CRACD: variants seen among roughly 807,000 people sequenced by gnomAD.
CRACD encodes capping protein-inhibiting regulator of actin dynamics.
In CRACD, 56 loss-of-function variants were observed where a neutral mutation model predicts 106.8. That is an observed-to-expected ratio of 0.52 (90% CI 0.42 to 0.66). The LOEUF is 0.66. Ranked by LOEUF, CRACD falls within the 30% of genes least tolerant of loss-of-function variation. The pLI is 0.00. For missense variants in CRACD, 1,730 were observed against 1,623.2 expected, an observed-to-expected ratio of 1.07 and a Z score of -1.13; for synonymous variants, 754 against 670.8, an observed-to-expected ratio of 1.12 and a Z score of -1.92.
In CRACD at chr4:56,314,162, G is replaced by A; in HGVS notation, c.660G>A (p.Glu220=). ...CCAATCCGCTGGATTCCGAGGAAGAGAGAAGACGCCAAGAAGACTACTGGC... is the reference window on the plus strand; with the variant it reads ...CCAATCCGCTGGATTCCGAGGAAGAAAGAAGACGCCAAGAAGACTACTGGC... ...EEPNPLDSEE[E]RRRQEDYWRE... Residue 220 remains glutamate (E), a synonymous_variant, in exon 8 of 11, where the codon GAG becomes GAA. Coordinates refer to ENST00000682029, the MANE Select transcript of CRACD (RefSeq NM_001393381.1). The surrounding 1 kb of genome is among the most constrained non-coding windows in gnomAD (Gnocchi z 4.4). The A allele has an allele frequency of 6.2e-7, 1 of 1,614,002 alleles. No individual in the cohort carries two copies. Among genetic ancestry groups the A allele is most frequent in the Non-Finnish European group, 8.5e-7 (1 of 1,179,950 alleles).
chr4:56,244,415 C>A (rs1740558428), intron 2 of CRACD, among the ~76,000 whole-genome samples: 1 of 152,118 alleles, frequency 6.6e-6, no homozygotes, highest in South Asian at 2.1e-4. Context: ...TAGGAAAGAA[C>A]ATGATGGGTT....
At chr4:56,174,165 T>G (rs1239844631) in intron 1 of CRACD, among the ~76,000 whole-genome samples, 8 of 152,208 alleles carry the variant, frequency 5.3e-5, no homozygotes, top group African/African-American at 1.9e-4. Context: ...TTTTAAATTT[T>G]TAATGGATAC....
At chr4:56,317,391 G>C (rs1745746367) in intron 8 of CRACD, among the ~76,000 whole-genome samples, 1 of 152,190 alleles carries the variant, frequency 6.6e-6, no homozygotes, top group South Asian at 2.1e-4. Flanking sequence ...TTTGGGAAAT[G>C]CTGACCAACT....
chr4:56,198,721 A>T (rs1737739503), intron 2 of CRACD, among the ~76,000 whole-genome samples: 1 of 152,168 alleles, frequency 6.6e-6, no homozygotes, highest in South Asian at 2.1e-4. Context: ...TCCCTTCCTC[A>T]CGCTGACTGA....
At chr4:56,326,896 A>G (rs1318516688) in intron 10 of CRACD, among the ~76,000 whole-genome samples, 1 of 152,006 alleles carries the variant, frequency 6.6e-6, no homozygotes, top group East Asian at 1.9e-4. Flanking sequence ...CCTGCCAACA[A>G]GCCTGGCTAC....
chr4:56,242,497 T>C (rs1176515609), intron 2 of CRACD, among the ~76,000 whole-genome samples: 2 of 152,148 alleles, frequency 1.3e-5, no homozygotes, highest in East Asian at 3.9e-4. Flanking sequence ...AGGAGGCGTG[T>C]AGCCCTGAAC....
chr4:56,057,487 C>T (rs184911245), intron 1 of CRACD, among the ~76,000 whole-genome samples: 141 of 152,306 alleles, frequency 9.3e-4, no homozygotes, highest in African/African-American at 3.4e-3. Context: ...TTAGTTTTAC[C>T]TTCCTCTGTA....
intron 2 of CRACD, among the ~76,000 whole-genome samples, chr4:56,261,387 ACT>A (rs1400605537): frequency 4.3e-5 from 6 of 138,174 alleles, no homozygotes; most frequent in Non-Finnish European, 9.1e-5. Context: ...AGACAGAGTC[ACT>A]CTCTGTCACC....
chr4:56,316,439 A>T lies in CRACD; in HGVS notation c.2937A>T (p.Lys979Asn). 6.2e-7 allele frequency: 1 copy of T among 1,613,974 alleles called. No individual in the cohort carries two copies. Among genetic ancestry groups the T allele is most frequent in the East Asian group, 2.2e-5 (1 of 44,866 alleles). ...CCCCACCAGCATCCCCACTTTCCAA[A>T]CTGAGCAGGCCCTACTTGGTAGAGC... ...SQTPPASPLS[K>N]LSRPYLVELL... Residue 979 changes from lysine (K) to asparagine (N), a missense_variant, in exon 8 of 11, where the codon AAA becomes AAT. Transcript: ENST00000682029.
chr4:56,095,349 G>A (rs1577959138), intron 1 of CRACD, among the ~76,000 whole-genome samples: 3 of 152,294 alleles, frequency 2.0e-5, no homozygotes, highest in Admixed American at 2.0e-4. Context: ...TCAAGAGCAT[G>A]CAGTTTATCA....
At chr4:56,258,467 A>G (rs12506253) in intron 2 of CRACD, among the ~76,000 whole-genome samples, 13,660 of 152,266 alleles carry the variant, frequency 0.09, 1,860 homozygotes, top group East Asian at 0.62. Flanking sequence ...AACCTTGGCA[A>G]AATAAACTTC....
intron 3 of CRACD, among the ~76,000 whole-genome samples, chr4:56,274,857 A>T (rs1742589217): frequency 6.6e-6 from 1 of 152,244 alleles, no homozygotes; most frequent in African/African-American, 2.4e-5. Context: ...CACTGTTCAC[A>T]ATAGCAAAGA....
chr4:56,269,678 G>A (rs1274431720), intron 2 of CRACD, among the ~76,000 whole-genome samples: 1 of 149,436 alleles, frequency 6.7e-6, no homozygotes, highest in African/African-American at 2.5e-5. Context: ...TGATTCTCCT[G>A]CCTCAGCCTC....
At chr4:56,245,180 A>C (rs1029446970) in intron 2 of CRACD, among the ~76,000 whole-genome samples, 1 of 152,168 alleles carries the variant, frequency 6.6e-6, no homozygotes. Flanking sequence ...TATTTAATAC[A>C]TTAGGAATAT....
chr4:56,172,911 G>T (rs1237168821), intron 1 of CRACD, among the ~76,000 whole-genome samples: 1 of 152,122 alleles, frequency 6.6e-6, no homozygotes, highest in African/African-American at 2.4e-5. Context: ...ATGAGCCACT[G>T]TGCCTGGCCT....
chr4:56,200,015 C>T (rs1347725547), intron 2 of CRACD, among the ~76,000 whole-genome samples: 2 of 150,784 alleles, frequency 1.3e-5, no homozygotes, highest in African/African-American at 4.9e-5. Flanking sequence ...GTAGAAACTT[C>T]AAATATTCAG....
At chr4:56,284,322 C>A (rs1242756095) in intron 3 of CRACD, among the ~76,000 whole-genome samples, 1 of 76,472 alleles carries the variant, frequency 1.3e-5, no homozygotes, top group African/African-American at 4.9e-5. Context: ...AAAAAAATTG[C>A]TGACAAATTT....
At chr4:56,119,663 C>G (rs1466443898) in intron 1 of CRACD, among the ~76,000 whole-genome samples, 2 of 152,030 alleles carry the variant, frequency 1.3e-5, no homozygotes, top group Non-Finnish European at 2.9e-5. Context: ...ACTTATATAT[C>G]TCATCTAGTT....
intron 2 of CRACD, among the ~76,000 whole-genome samples, chr4:56,237,268 T>A (rs1740033317): frequency 6.6e-6 from 1 of 152,176 alleles, no homozygotes; most frequent in Admixed American, 6.5e-5. Flanking sequence ...AGTTATAGAT[T>A]ATAATTCCTT....
Sources: allele counts gnomAD v4.1 joint callset (sites outside exome capture counted in the v4.1 genomes callset), GRCh38; gene constraint gnomAD v4.1.1; non-coding constraint Gnocchi (gnomAD v3.1); transcripts MANE v1.5; gene names NCBI Gene and HGNC (gene_info 2026-07-23, HGNC 2026-07-21).